The following SYNE1 variants were observed in gnomAD, a reference collection of about 807,000 sequenced individuals.
SYNE1 encodes nesprin-1.
A neutral mutation model predicts 1,111.0 loss-of-function variants in SYNE1; 616 were observed. That is an observed-to-expected ratio of 0.55 (90% confidence interval 0.52 to 0.59). The LOEUF (loss-of-function observed/expected upper bound fraction) is 0.59. Ranked by LOEUF, SYNE1 falls within the 20% of genes least tolerant of loss-of-function variation. The probability of loss-of-function intolerance (pLI) is 0.00; values close to 1 mark genes in which losing one functional copy is unlikely to be tolerated. For synonymous variants in SYNE1, 3,855 were observed against 3,825.8 expected (o/e 1.01, Z -0.28); for missense variants, 10,006 against 10,417.0 (o/e 0.96, Z 1.72).
chr6:152,176,241 C>A (rs1429159901), intron 130 of SYNE1, among the ~76,000 whole-genome samples, 153 bp downstream of exon 130: 1 of 152,052 alleles, frequency 6.6e-6, no homozygotes, highest in Non-Finnish European at 1.5e-5. Context: ...AACTAAAGTG[C>A]CACTTATGAG....
Position 152,456,023 on chromosome 6 carries a change from T to C in SYNE1, c.2590A>G (p.Asn864Asp). The C allele has an allele frequency of 6.2e-6, 10 of 1,613,780 alleles. No individual in the cohort carries two copies. Among genetic ancestry groups the C allele is most frequent in the Non-Finnish European group, 7.6e-6 (9 of 1,180,012 alleles). ...KHQELLACQE[N>D]CKKTLTLIEK... ...ATAAGTGTCAAGGTTTTCTTACAGT[T>C]TTCTTGACAAGCTAACAGTTCCTAT... Residue 864 changes from asparagine to aspartate, a missense_variant, in exon 23 of 146, where the codon AAC becomes GAC. By Grantham distance (23) the Asn-to-Asp change is conservative. Around this residue, in one of 7 missense-constraint regions of SYNE1, gnomAD observed 1,971 missense variants for 2,084.1 expected, o/e 0.95. Coordinates refer to ENST00000367255, the MANE Select transcript of SYNE1 (RefSeq NM_182961.4).
intron 25 of SYNE1, chr6:152,453,323 C>A: frequency 5.0e-6 from 3 of 594,330 alleles, no homozygotes; most frequent in South Asian, 2.1e-5. Context: ...GTTCTTGCAC[C>A]CTGGATTAAA....
Position 152,361,451 on chromosome 6 carries a change from A to T in SYNE1, c.10299+719T>A, listed in dbSNP as rs543057925. Among the ~76,000 whole-genome samples, 3 of 152,354 alleles carry T rather than the reference A, an allele frequency of 2.0e-5. No individual in the cohort carries two copies. In the East Asian group the frequency reaches 5.8e-4, roughly 29 times the overall value. The stretch of plus-strand genomic sequence containing the variant: ...GTCTGTTCCAGTTCAGGTGAAGAGG[A>T]TGGATCAGTAGGACCTAGTGCCAGA... On this transcript the variant is annotated intron_variant, in intron 64 of 145. Transcript: ENST00000367255.
Position 152,417,009 on chromosome 6 carries a change from C to G in SYNE1, c.5428G>C (p.Ala1810Pro). The change falls in exon 41 of 146, where the codon GCA becomes CCA. Residue 1810 changes from alanine (A) to proline (P), a missense_variant. This residue lies in a region of SYNE1 where 4,955 missense variants were observed against 5,017.2 expected (regional missense o/e 0.99). Transcript: ENST00000367255. ...CCCTTTTTGCTCTCTACTTCTGCTG[C>G]GTGGTCCTGGAAGGGAAGAGAGAGT... ...QVALTRHKDHAAEVESKKGEL... is the reference protein window; with the variant it reads ...QVALTRHKDHPAEVESKKGEL... 1 of 1,613,988 alleles carries G rather than the reference C, an allele frequency of 6.2e-7. No homozygotes were observed. The highest frequency in any genetic ancestry group is 1.1e-5 in the South Asian group (1 of 91,088).
At chr6:152,509,414 G>A (rs1026350883) in intron 8 of SYNE1, among the ~76,000 whole-genome samples, 4 of 151,676 alleles carry the variant, frequency 2.6e-5, no homozygotes, top group Admixed American at 2.6e-4. Context: ...GCGCCACCAC[G>A]CCCAGCTAAT....
rs1327170715 is a variant in SYNE1 at position 152,140,967 on chromosome 6, G to A, written c.25246+236C>T. Among the ~76,000 whole-genome samples the A allele has an allele frequency of 3.3e-5, 5 of 152,114 alleles. No homozygotes were observed. The South Asian group carries it at 6.2e-4, about 19-fold the overall frequency. On this transcript the variant is annotated intron_variant, in intron 139 of 145. Coordinates refer to ENST00000367255, the MANE Select transcript of SYNE1 (RefSeq NM_182961.4). ...GGAGAATGCCATGAACCTGGGAGGC[G>A]GAACTTGCAGTGAGCCGAGATAGCG...
At chr6:152,549,333 C>T (rs1243985676) in intron 3 of SYNE1, among the ~76,000 whole-genome samples, 1 of 152,196 alleles carries the variant, frequency 6.6e-6, no homozygotes, top group Non-Finnish European at 1.5e-5. Context: ...CTGAACTAAC[C>T]AGCAAATCCA....
chr6:152,540,478 T>C (rs2099264018), intron 3 of SYNE1, among the ~76,000 whole-genome samples: 3 of 152,152 alleles, frequency 2.0e-5, no homozygotes, highest in African/African-American at 7.2e-5. Context: ...TGCAATAAGA[T>C]AGAGCCGTAT....
In SYNE1 at chr6:152,430,624, G is replaced by T. The variant is rs1413647772; in HGVS notation, c.4547C>A (p.Thr1516Asn). The T allele has an allele frequency of 3.1e-6, 5 of 1,614,012 alleles. No individual in the cohort carries two copies. Among genetic ancestry groups the T allele is most frequent in the South Asian group, 2.2e-5 (2 of 91,080 alleles). The change falls in exon 35 of 146, where the codon ACT becomes AAT. Residue 1516 changes from threonine to asparagine, a missense_variant. By Grantham distance (65) the Thr-to-Asn change is moderately conservative (BLOSUM62 0). Transcript: ENST00000367255. ...EAQSFAQFVT[T>N]GESARIKAKL... ...GGCTTTAATTCGAGCAGATTCTCCAGTGGTAACAAACTGAGCAAAAGACTG... is the reference window on the plus strand; with the variant it reads ...GGCTTTAATTCGAGCAGATTCTCCATTGGTAACAAACTGAGCAAAAGACTG...
chr6:152,396,772 T>C lies in SYNE1; in HGVS notation c.7556+3A>G. 1.9e-6 allele frequency: 3 copies of C among 1,613,962 alleles called. No homozygotes were observed. Among genetic ancestry groups the C allele is most frequent in the Non-Finnish European group, 2.5e-6 (3 of 1,179,818 alleles). The stretch of plus-strand genomic sequence containing the variant: ...GAAATCTATGTTTGTTAAACTAACC[T>C]ACCTTCCAAGTTCTGAAGCACAGTC... On this transcript the variant is annotated splice_donor_region_variant and intron_variant, in intron 50 of 145. Transcript: ENST00000367255.
rs199708211 is a variant in SYNE1, at chr6:152,539,998, G to A, written c.91C>T (p.Arg31Ter). ...LQDEQEIVQK[R>*]TFTKWINSHL... ...GAGTTGATCCATTTTGTGAAAGTTCGTTTTTGTACTATCTCTTGCTCATCT... is the reference window on the plus strand; with the variant it reads ...GAGTTGATCCATTTTGTGAAAGTTCATTTTTGTACTATCTCTTGCTCATCT... The change falls in exon 4 of 146, where the codon CGA (arginine) becomes TGA (stop). Residue 31 changes from arginine (R) to a stop codon, truncating the protein, a stop_gained. Coordinates refer to ENST00000367255, the MANE Select transcript of SYNE1 (RefSeq NM_182961.4). LOFTEE classifies it high-confidence loss of function. 8.7e-6 allele frequency: 14 copies of A among 1,613,764 alleles called. No homozygotes were observed. The highest frequency in any genetic ancestry group is 1.7e-4 in the Middle Eastern group (1 of 6,058).
chr6:152,176,677 AGGAATACCAT>A lies in SYNE1; in HGVS notation c.23461-127_23461-118del. 2.9e-6 allele frequency: 3 copies of A among 1,033,364 alleles called. No individual in the cohort carries two copies. In the South Asian group the frequency reaches 3.9e-5, roughly 13 times the overall value. The allele number at this position is 1,033,364 out of a possible 1,614,324, so 64.0% of individuals were successfully genotyped here. A position where few individuals can be genotyped will look rare whatever the true frequency, so the allele number is the denominator to read the frequency against. On this transcript the variant is annotated intron_variant, in intron 129 of 145. Coordinates refer to ENST00000367255, the MANE Select transcript of SYNE1 (RefSeq NM_182961.4). ...TACTGCTTGGAAGTAGTTTGAGCAT[AGGAATACCAT>A]GTGGATATCAGCCCATGTGCACAAG...
intron 59 of SYNE1, among the ~76,000 whole-genome samples, chr6:152,369,949 C>T (rs2097149553): frequency 7.4e-6 from 1 of 134,692 alleles, no homozygotes. Context: ...TGCCACTGCA[C>T]TCCAGCCTGG....
At chr6:152,185,978 T>C (rs2069743157) in intron 128 of SYNE1, among the ~76,000 whole-genome samples, 1 of 152,210 alleles carries the variant, frequency 6.6e-6, no homozygotes, top group Non-Finnish European at 1.5e-5. Flanking sequence ...AACGTAAGTA[T>C]GAGGAAATAG....
intron 75 of SYNE1, among the ~76,000 whole-genome samples, chr6:152,338,463 A>G (rs1376903706): frequency 1.3e-5 from 2 of 152,024 alleles, no homozygotes; most frequent in African/African-American, 4.8e-5. Flanking sequence ...CTCTACAAAA[A>G]GTATAAAAAT....
chr6:152,308,895 C>T (rs565584475), intron 90 of SYNE1, among the ~76,000 whole-genome samples: 1 of 152,130 alleles, frequency 6.6e-6, no homozygotes, highest in African/African-American at 2.4e-5. Context: ...CTACTGATAT[C>T]GTCCTGAAGA....
At chr6:152,593,338 A>G (rs1209525692) in intron 3 of SYNE1, among the ~76,000 whole-genome samples, 1 of 152,174 alleles carries the variant, frequency 6.6e-6, no homozygotes, top group African/African-American at 2.4e-5. Context: ...TAATCCCAGC[A>G]CTTTGGGAGG....
chr6:152,364,953 C>T lies in SYNE1; in HGVS notation c.10039G>A (p.Val3347Ile), dbSNP rs762448899. ...MKMIVTRGES[V>I]LQNTSPEGIP... is the part of the protein sequence containing the mutation. ...CCTTCTGGAGAAGTATTCTGAAGGA[C>T]AGATTCTCCCCTGGTCACTATCATT... Residue 3347 changes from valine to isoleucine, a missense_variant, in exon 63 of 146, where the codon GTC (valine) becomes ATC (isoleucine). By Grantham distance (29) the Val-to-Ile change is conservative (BLOSUM62 3). This residue lies in a region of SYNE1 where 4,955 missense variants were observed against 5,017.2 expected (regional missense o/e 0.99). Coordinates refer to ENST00000367255, the MANE Select transcript of SYNE1 (RefSeq NM_182961.4). 16 of 1,614,212 alleles carry T rather than the reference C, an allele frequency of 9.9e-6. No homozygotes were observed. The East Asian group carries it at 3.3e-4, about 34-fold the overall frequency.
intron 3 of SYNE1, among the ~76,000 whole-genome samples, chr6:152,559,984 G>A (rs1379493772): frequency 6.6e-6 from 1 of 152,134 alleles, no homozygotes; most frequent in Non-Finnish European, 1.5e-5. Flanking sequence ...ATGAACAATT[G>A]TATATCAACA....
Sources: allele counts gnomAD v4.1 joint callset (sites outside exome capture counted in the v4.1 genomes callset), GRCh38; gene constraint gnomAD v4.1.1; regional missense constraint gnomAD v4.1.1; transcripts MANE v1.5; gene names NCBI Gene and HGNC (gene_info 2026-07-23, HGNC 2026-07-21).